The following MTA3 variants were observed in gnomAD, a reference collection of about 807,000 sequenced individuals.
The protein encoded by MTA3 is metastasis-associated protein MTA3.
Under a neutral mutation model 83.5 loss-of-function variants are expected in MTA3, and 34 were observed. That is an observed-to-expected ratio of 0.41 (90% CI 0.31 to 0.54). The LOEUF (loss-of-function observed/expected upper bound fraction) is 0.54. MTA3 is among the 20% of genes least tolerant of loss of function. The pLI is 0.33. For missense variants in MTA3, 761 were observed against 726.4 expected, an observed-to-expected ratio of 1.05 and a Z score of -0.55; for synonymous variants, 303 against 252.7, an observed-to-expected ratio of 1.20 and a Z score of -1.89.
intron 5 of MTA3, among the ~76,000 whole-genome samples, chr2:42,643,658 A>T (rs1159647853): frequency 1.3e-5 from 2 of 152,232 alleles, no homozygotes; most frequent in African/African-American, 4.8e-5. Context: ...ATGCAGTTTA[A>T]TGTGAGATAT....
At chr2:42,728,153 T>G (rs1667958303) in intron 16 of MTA3, among the ~76,000 whole-genome samples, 1 of 152,154 alleles carries the variant, frequency 6.6e-6, no homozygotes, top group Non-Finnish European at 1.5e-5. Context: ...ATGAGTTCAA[T>G]TTTTTTAAAT....
At chr2:42,521,748 TCTC>T (rs1339516569) in intron 2 of MTA3, among the ~76,000 whole-genome samples, 1 of 116,228 alleles carries the variant, frequency 8.6e-6, no homozygotes, top group African/African-American at 3.3e-5. Context: ...TGAATCTTTC[TCTC>T]TTTTTTTTTT....
chr2:42,720,680 C>T (rs548501945), intron 15 of MTA3, among the ~76,000 whole-genome samples: 30 of 151,872 alleles, frequency 2.0e-4, no homozygotes, highest in African/African-American at 7.0e-4. Flanking sequence ...TAGAATAGGC[C>T]GGGCATGGTG....
chr2:42,676,586 C>G lies in MTA3; in HGVS notation c.703-5815C>G, dbSNP rs113759137. ...TTGGAGACCAGCCCGGGCAACATGGCAAAACCCTGTCTCTACTGAAAATAC... is the reference window on the plus strand; with the variant it reads ...TTGGAGACCAGCCCGGGCAACATGGGAAAACCCTGTCTCTACTGAAAATAC... On this transcript the variant is annotated intron_variant, in intron 8 of 16. Transcript: ENST00000405094. 4.6e-4 allele frequency among the ~76,000 whole-genome samples: 70 copies of G among 152,226 alleles called. 2 individuals carry two copies. Among genetic ancestry groups the G allele is most frequent in the African/African-American group, 1.6e-3 (67 of 41,540 alleles).
chr2:42,502,374 G>A (rs1363228924), intron 2 of MTA3, among the ~76,000 whole-genome samples: 1 of 152,212 alleles, frequency 6.6e-6, no homozygotes, highest in Non-Finnish European at 1.5e-5. Flanking sequence ...TGTGCCAGTG[G>A]ATGTGTTTGG....
At chr2:42,580,458 G>T (rs1381445080) in intron 3 of MTA3, among the ~76,000 whole-genome samples, 1 of 151,762 alleles carries the variant, frequency 6.6e-6, no homozygotes. Context: ...TGCAACCTCC[G>T]CCTTCTGGGT....
intron 2 of MTA3, among the ~76,000 whole-genome samples, chr2:42,538,778 T>TTTTC (rs796645124): frequency 1.8e-5 from 1 of 55,792 alleles, no homozygotes; most frequent in African/African-American, 7.9e-5. Context: ...TTTTTTTTTG[T>TTTTC]TTTTTTTGAG....
At chr2:42,637,036 A>G (rs1401877798) in intron 4 of MTA3, among the ~76,000 whole-genome samples, 1 of 152,220 alleles carries the variant, frequency 6.6e-6, no homozygotes, top group African/African-American at 2.4e-5. Context: ...CATACCATTA[A>G]GCAAGTAGCA....
intron 16 of MTA3, among the ~76,000 whole-genome samples, chr2:42,726,629 C>T (rs560171713): frequency 1.3e-5 from 2 of 152,170 alleles, no homozygotes; most frequent in East Asian, 3.9e-4. Context: ...CCTTGCATTG[C>T]AGGTTCTTGA....
At chr2:42,563,396 T>C (rs1677755367) in intron 2 of MTA3, among the ~76,000 whole-genome samples, 1 of 152,198 alleles carries the variant, frequency 6.6e-6, no homozygotes, top group Non-Finnish European at 1.5e-5. Flanking sequence ...CTCAAACTAC[T>C]GACTTCAGGT....
intron 3 of MTA3, among the ~76,000 whole-genome samples, chr2:42,593,172 G>C (rs1046057474): frequency 4.7e-5 from 3 of 64,180 alleles, no homozygotes; most frequent in African/African-American, 2.3e-4. Context: ...AAATTAAATA[G>C]AATTAAAACA....
intron 8 of MTA3, among the ~76,000 whole-genome samples, chr2:42,669,877 TAGAA>T (rs1353608373): frequency 7.9e-5 from 12 of 152,278 alleles, no homozygotes; most frequent in South Asian, 4.1e-4. Context: ...TTGGGAGAAA[TAGAA>T]AGAGAATTGT....
chr2:42,572,421 C>T (rs1678591699), intron 2 of MTA3, among the ~76,000 whole-genome samples: 1 of 149,694 alleles, frequency 6.7e-6, no homozygotes, highest in Non-Finnish European at 1.5e-5. Context: ...CTGCCTCTAC[C>T]AAAAAAAAAT....
chr2:42,611,661 T>C (rs1534758), intron 4 of MTA3, among the ~76,000 whole-genome samples: 113,945 of 151,906 alleles, frequency 0.75, 43,028 homozygotes, highest in South Asian at 0.88. Context: ...ACCAAAAATA[T>C]AAAAATTAGC....
chr2:42,655,110 T>C (rs1314017395), intron 6 of MTA3, among the ~76,000 whole-genome samples: 3 of 152,188 alleles, frequency 2.0e-5, no homozygotes, highest in Admixed American at 2.0e-4. Context: ...TCTCTCTCCT[T>C]ATCAGGTATC....
intron 2 of MTA3, among the ~76,000 whole-genome samples, chr2:42,529,973 G>A (rs1417047847): frequency 6.6e-6 from 1 of 151,920 alleles, no homozygotes; most frequent in Non-Finnish European, 1.5e-5. Context: ...GGATCACGAG[G>A]TCAGGAGTTC....
intron 2 of MTA3, among the ~76,000 whole-genome samples, chr2:42,541,971 G>C (rs995039010): frequency 3.3e-5 from 5 of 152,166 alleles, no homozygotes; most frequent in African/African-American, 9.6e-5. Context: ...GCCTCAGGAG[G>C]GATTGAAATC....
chr2:42,531,022 G>T (rs1324049366), intron 2 of MTA3, among the ~76,000 whole-genome samples: 1 of 152,136 alleles, frequency 6.6e-6, no homozygotes, highest in East Asian at 1.9e-4. Flanking sequence ...TAGAGATGGC[G>T]TCTCGCCATG....
intron 2 of MTA3, among the ~76,000 whole-genome samples, chr2:42,556,162 A>G (rs2103788567): frequency 6.6e-6 from 1 of 151,388 alleles, no homozygotes; most frequent in South Asian, 2.1e-4. Flanking sequence ...AAGCAGCCTG[A>G]GGCATGCAGC....
Sources: gnomAD v4.1 joint callset for allele counts (sites outside exome capture counted in the v4.1 genomes callset) on GRCh38, gnomAD v4.1.1 for gene constraint, MANE v1.5 for transcripts, NCBI Gene and HGNC (gene_info 2026-07-23, HGNC 2026-07-21) for gene names.